IL13RA2: variants seen among roughly 807,000 people sequenced by gnomAD.
IL13RA2 encodes interleukin 13 receptor subunit alpha 2, also known as interleukin-13 receptor subunit alpha-2.
IL13RA2 carries 25 observed loss-of-function variants against 34.1 expected under a neutral mutation model. The observed-to-expected ratio is 0.73, with a 90% CI of 0.53 to 1.03. The LOEUF (loss-of-function observed/expected upper bound fraction) is 1.03. IL13RA2 is among the 50% of genes least tolerant of loss of function. IL13RA2 has a pLI of 0.00. For missense variants in IL13RA2, 297 were observed against 280.9 expected (o/e 1.06, Z -0.41); for synonymous variants, 106 against 100.4 (o/e 1.06, Z -0.33).
At chrX:115,013,455 T>TA (rs1365546176) in intron 5 of IL13RA2, among the ~76,000 whole-genome samples, 1 of 111,469 alleles carries the variant, frequency 9.0e-6, no homozygotes. Flanking sequence ...ACTGATTTTT[T>TA]AAAAAAACAA....
intron 7 of IL13RA2, 34 bp downstream of exon 7, chrX:115,009,487 T>C (rs375123846): frequency 3.5e-6 from 4 of 1,131,365 alleles, no homozygotes; most frequent in African/African-American, 3.6e-5. Flanking sequence ...AAGGCTGTAG[T>C]TATGATTTTC....
intron 6 of IL13RA2, 49 bp downstream of exon 6, chrX:115,010,595 G>T: frequency 1.8e-6 from 1 of 557,450 alleles, no homozygotes; most frequent in South Asian, 3.6e-5. Flanking sequence ...GTTGTAAATG[G>T]CCTAAACTAG....
chrX:115,009,540 T>C lies in IL13RA2; in HGVS notation c.833A>G (p.Glu278Gly). 2 of 1,198,004 alleles carry C rather than the reference T, an allele frequency of 1.7e-6. No individual in the cohort carries two copies. The highest frequency in any genetic ancestry group is 2.3e-6 in the Non-Finnish European group (2 of 883,143). ...TCATACCACCAAGGTAGTATCATCT[T>C]CTCTGATCTCAATTTCATAATCAAA... ...RCFDYEIEIREDDTTLVTATV... is the reference protein window; with the variant it reads ...RCFDYEIEIRGDDTTLVTATV... Residue 278 changes from glutamate to glycine, a missense_variant, in exon 7 of 10, where the codon GAA becomes GGA. Transcript: ENST00000243213.
chrX:115,004,866 G>T lies in IL13RA2; in HGVS notation c.1116+331C>A, dbSNP rs2071678664. On this transcript the variant is annotated intron_variant, in intron 9 of 9. Transcript: ENST00000243213. ...ACTGGTAATATGTGTTTCAGTCTAT[G>T]ATCATTTTAATTCACTCTTCTATTT... Among the ~76,000 whole-genome samples the T allele has an allele frequency of 7.1e-5, 8 of 112,184 alleles. No individual in the cohort carries two copies. In the South Asian group the frequency reaches 2.9e-3, roughly 41 times the overall value.
intron 2 of IL13RA2, among the ~76,000 whole-genome samples, chrX:115,016,670 C>A (rs988956138): frequency 1.2e-4 from 12 of 103,738 alleles, no homozygotes; most frequent in Non-Finnish European, 2.2e-4. Flanking sequence ...TAATAATATA[C>A]TATAAATAAT....
chrX:115,009,419 T>A (rs1180810704), intron 7 of IL13RA2, 102 bp downstream of exon 7: 34 of 613,507 alleles, frequency 5.5e-5, no homozygotes, highest in Non-Finnish European at 8.2e-5. Context: ...ATATGTCATG[T>A]TCTGTCCCTC....
At chrX:115,004,129 C>T (rs1258391756) in intron 9 of IL13RA2, 23 bp from the exon 10 acceptor site, 4 of 861,350 alleles carry the variant, frequency 4.6e-6, no homozygotes, top group Non-Finnish European at 6.8e-6. Context: ...CTGTTATTAA[C>T]AAGTCATCTC....
At chrX:115,005,446 A>G (rs184405113) in intron 8 of IL13RA2, 131 bp from the exon 9 acceptor site, 1 of 494,329 alleles carries the variant, frequency 2.0e-6, no homozygotes, top group Admixed American at 3.3e-5. Context: ...CAGTGCATAA[A>G]TACCACAATT....
rs2071703256 is a variant in IL13RA2 at position 115,010,809 on chromosome X, C to T, written c.541G>A (p.Ala181Thr). 1.8e-6 allele frequency: 2 copies of T among 1,090,526 alleles called. No individual in the cohort carries two copies. The highest frequency in any genetic ancestry group is 2.5e-6 in the Non-Finnish European group (2 of 813,854). The allele number at this position is 1,090,526 out of a possible 1,213,427, so 89.9% of individuals were successfully genotyped here. ...LFYWYEGLDH[A>T]LQCVDYIKAD... is the part of the protein sequence containing the mutation. Reference sequence around the variant, plus strand: ...TTGATGTAATCAACACACTGTAATGCATGATCCAAGCCCTCATACCTGTAA... The same window carrying T: ...TTGATGTAATCAACACACTGTAATGTATGATCCAAGCCCTCATACCTGTAA... The change falls in exon 6 of 10, where the codon GCA (alanine) becomes ACA (threonine). Residue 181 changes from alanine (A) to threonine (T), a missense_variant. Ala to Thr is a moderately conservative substitution (Grantham distance 58). Transcript: ENST00000243213.
In IL13RA2 at chrX:115,017,296, T is replaced by C. The variant is rs781829595; in HGVS notation, c.-27A>G. On this transcript the variant is annotated 5_prime_UTR_variant, in exon 2 of 10. Transcript: ENST00000243213. ...TCTCCGAGATTTAAAACCTTGATAT[T>C]GCCTCTCTATGAAGGAAAAATATAA... 18 of 633,726 alleles carry C rather than the reference T, an allele frequency of 2.8e-5. No individual in the cohort carries two copies. In the South Asian group the frequency reaches 4.2e-4, roughly 15 times the overall value. 52.2% of individuals were successfully genotyped at this position (633,726 alleles called of 1,213,427 possible).
chrX:115,008,700 A>T (rs781824056), intron 7 of IL13RA2, among the ~76,000 whole-genome samples: 3 of 111,688 alleles, frequency 2.7e-5, no homozygotes, highest in Non-Finnish European at 5.6e-5. Flanking sequence ...ATCTCAGAGT[A>T]AAAAAATCAC....
Position 115,017,438 on chromosome X carries a change from T to C in IL13RA2, c.-34+115A>G, listed in dbSNP as rs782692961. 7 of 400,068 alleles carry C rather than the reference T, an allele frequency of 1.7e-5. No individual in the cohort carries two copies. In the South Asian group the frequency reaches 3.0e-4, roughly 17 times the overall value. 33.0% of individuals were successfully genotyped at this position (400,068 alleles called of 1,213,427 possible). ...GGAAAACTGTGTCCACCTCAGACCA[T>C]GGAAACAGAAATAATCAAGTTAGGA... is the stretch of plus-strand genomic sequence containing the variant. On this transcript the variant is annotated intron_variant, in intron 1 of 9. Coordinates refer to ENST00000243213, the MANE Select transcript of IL13RA2 (RefSeq NM_000640.3).
intron 1 of IL13RA2, 64 bp from the exon 2 acceptor site, chrX:115,017,366 TA>T: frequency 1.9e-6 from 1 of 528,937 alleles, no homozygotes; most frequent in South Asian, 2.7e-5. Context: ...TAAACGTGAT[TA>T]AAAATACTTT....
chrX:115,010,579 C>T, intron 6 of IL13RA2, 65 bp downstream of exon 6: 1 of 510,637 alleles, frequency 2.0e-6, no homozygotes, highest in Non-Finnish European at 3.3e-6. Context: ...CTCACCCTCT[C>T]AAGTGGTTGT....
At position 115,015,618 on chromosome X, in the gene IL13RA2, C is replaced by A. The variant is rs17095076; in HGVS notation, c.246+52G>T. On this transcript the variant is annotated intron_variant, in intron 3 of 9. Transcript: ENST00000243213. ...GAGCGGACACTAAAGTCAGGAATCA[C>A]AAAGTAACACCTGATGATCACTCTG... 1,366 of 1,077,300 alleles carry A rather than the reference C, an allele frequency of 1.3e-3. 2 individuals carry two copies. Among genetic ancestry groups the A allele is most frequent in the South Asian group, 1.4e-3 (75 of 53,550 alleles). The allele number at this position is 1,077,300 out of a possible 1,213,427, so 88.8% of individuals were successfully genotyped here.
rs182167050 is a variant in IL13RA2 at position 115,008,814 on chromosome X, T to C, written c.852+707A>G. 2.9e-3 allele frequency among the ~76,000 whole-genome samples: 323 copies of C among 112,075 alleles called. 1 individual carries two copies. Among genetic ancestry groups the C allele is most frequent in the African/African-American group, 0.01 (319 of 30,920 alleles). On this transcript the variant is annotated intron_variant, in intron 7 of 9. Transcript: ENST00000243213. Reference sequence around the variant, plus strand: ...TAACTTATCTTAGGAATCAACATAATGTAGTGTAGACTTAAGTGGACTGGG... The same window carrying C: ...TAACTTATCTTAGGAATCAACATAACGTAGTGTAGACTTAAGTGGACTGGG...
chrX:115,009,295 A>T (rs1271578596), intron 7 of IL13RA2, among the ~76,000 whole-genome samples: 2 of 111,015 alleles, frequency 1.8e-5, no homozygotes, highest in African/African-American at 6.5e-5. Flanking sequence ...TTGACACAAA[A>T]TTGAAAACAA....
At chrX:115,015,935 T>C (rs1266544363) in intron 2 of IL13RA2, 114 bp from the exon 3 acceptor site, 6 of 483,729 alleles carry the variant, frequency 1.2e-5, no homozygotes, top group African/African-American at 9.7e-5. Flanking sequence ...CAAAATGTGC[T>C]ACATGCATAC....
chrX:115,014,831 A>AG (rs1449125654), intron 3 of IL13RA2, among the ~76,000 whole-genome samples: 1 of 109,505 alleles, frequency 9.1e-6, no homozygotes, highest in African/African-American at 3.5e-5. Flanking sequence ...GGGAAAAAAA[A>AG]CTTTATGGCA....
Sources: allele counts gnomAD v4.1 joint callset (sites outside exome capture counted in the v4.1 genomes callset), GRCh38; gene constraint gnomAD v4.1.1; transcripts MANE v1.5; gene names NCBI Gene and HGNC (gene_info 2026-07-23, HGNC 2026-07-21).